Variants in MUC12 observed in about 807,000 individuals in gnomAD.
MUC12 encodes the protein mucin-12.
MUC12 carries 172 observed loss-of-function variants against 230.8 expected under a neutral mutation model. That is an observed-to-expected ratio of 0.75 (90% CI 0.66 to 0.85). The LOEUF is 0.85. Ranked by LOEUF, MUC12 falls within the 40% of genes least tolerant of loss-of-function variation. The pLI, the probability that MUC12 is intolerant of heterozygous loss-of-function variation, is 0.00. For synonymous variants in MUC12, 1,259 were observed against 2,401.9 expected, an observed-to-expected ratio of 0.52 and a Z score of 13.91; for missense variants, 3,506 against 5,920.6, an observed-to-expected ratio of 0.59 and a Z score of 13.38.
chr7:100,981,880 TTTTTGAGACGGAGTCTCACTTTA>T (rs1793112899), intron 1 of MUC12, among the ~76,000 whole-genome samples: 1 of 150,658 alleles, frequency 6.6e-6, no homozygotes, highest in Non-Finnish European at 1.5e-5. Flanking sequence ...TTTTTTTTTT[TTTTTGAGACGGAGTCTCACTTTA>T]TTGTCCAGAC....
chr7:100,976,466 T>C (rs896125205), intron 1 of MUC12, among the ~76,000 whole-genome samples: 5 of 151,384 alleles, frequency 3.3e-5, no homozygotes, highest in East Asian at 2.0e-4. Flanking sequence ...TAGCCGGGCA[T>C]GGTGGTGTGT....
At chr7:100,985,616 C>A (rs959788974) in intron 1 of MUC12, among the ~76,000 whole-genome samples, 2 of 152,108 alleles carry the variant, frequency 1.3e-5, no homozygotes, top group African/African-American at 4.8e-5. Flanking sequence ...CAAGGTGGAG[C>A]CAGTTATGTG....
At position 100,995,833 on chromosome 7, in the gene MUC12, C is replaced by T. The variant is rs1378067739; in HGVS notation, c.5270C>T (p.Pro1757Leu). ...GTTGCAACTGCAACAACACCCTCGC[C>T]TGCCCGCTCCACAACCTCAGGCCTC... The part of the protein sequence containing the change: ...SPVATATTPS[P>L]ARSTTSGLVE... The change falls in exon 2 of 12, where the codon CCT becomes CTT. Residue 1757 changes from proline (P) to leucine (L), a missense_variant. Physicochemically the swap from Pro to Leu is moderately conservative, Grantham distance 98. Transcript: ENST00000536621. 3 of 1,461,352 alleles carry T rather than the reference C, an allele frequency of 2.1e-6. No individual in the cohort carries two copies. The highest frequency in any genetic ancestry group is 1.2e-5 in the South Asian group (1 of 81,666). The allele number at this position is 1,461,352 out of a possible 1,614,324, so 90.5% of individuals were successfully genotyped here.
Position 100,995,758 on chromosome 7 carries a change from C to G in MUC12, c.5195C>G (p.Ser1732Cys), listed in dbSNP as rs766802961. ...CCAACAACCCACTTTTCTGCCAGCTCCACAACCTTGGGCCGTAGTGAGGAA... is the reference window on the plus strand; with the variant it reads ...CCAACAACCCACTTTTCTGCCAGCTGCACAACCTTGGGCCGTAGTGAGGAA... ...STPTTHFSAS[S>C]TTLGRSEEST... The change falls in exon 2 of 12, where the codon TCC becomes TGC. Residue 1732 changes from serine to cysteine, a missense_variant. Ser to Cys is a moderately radical substitution (Grantham distance 112). Transcript: ENST00000536621. 7.8e-6 allele frequency: 12 copies of G among 1,533,824 alleles called. No individual in the cohort carries two copies. In the South Asian group the frequency reaches 1.1e-4, roughly 14 times the overall value.
Position 100,995,994 on chromosome 7 carries a change from C to T in MUC12, c.5431C>T (p.Pro1811Ser). The T allele has an allele frequency of 1.6e-6, 1 of 640,504 alleles. No homozygotes were observed. Among genetic ancestry groups the T allele is most frequent in the Non-Finnish European group, 2.3e-6 (1 of 436,206 alleles). 39.7% of individuals were successfully genotyped at this position (640,504 alleles called of 1,614,324 possible). ...HSSTTHTISS[P>S]PSTTSALVEE... Reference sequence around the variant, plus strand: ...CAGCACAACACACACAATATCTTCACCTCCTAGCACCACATCTGCCCTTGT... The same window carrying T: ...CAGCACAACACACACAATATCTTCATCTCCTAGCACCACATCTGCCCTTGT... Residue 1811 changes from proline to serine, a missense_variant, in exon 2 of 12, where the codon CCT (proline) becomes TCT (serine). Physicochemically the swap from Pro to Ser is moderately conservative, Grantham distance 74. Coordinates refer to ENST00000536621, the MANE Select transcript of MUC12 (RefSeq NM_001164462.2).
At chr7:100,977,471 T>G (rs1035603976) in intron 1 of MUC12, among the ~76,000 whole-genome samples, 1 of 151,846 alleles carries the variant, frequency 6.6e-6, no homozygotes, top group African/African-American at 2.4e-5. Context: ...GTTCAAGCAA[T>G]TCTCCTGCCT....
intron 11 of MUC12, 32 bp downstream of exon 11, chr7:101,017,695 G>A: frequency 2.7e-6 from 4 of 1,483,866 alleles, no homozygotes; most frequent in Non-Finnish European, 3.6e-6. Context: ...CCCACCCCCT[G>A]AGGCTGCTCC....
chr7:101,012,075 A>G (rs985200517), intron 5 of MUC12, among the ~76,000 whole-genome samples: 7 of 151,960 alleles, frequency 4.6e-5, no homozygotes, highest in African/African-American at 1.7e-4. Context: ...GATGAATTTC[A>G]CTCATTGGCA....
Position 100,991,665 on chromosome 7 carries a change from A to G in MUC12, c.1102A>G (p.Thr368Ala). The change falls in exon 2 of 12, where the codon ACT becomes GCT. Residue 368 changes from threonine to alanine, a missense_variant. Transcript: ENST00000536621. ...AGCCTACCACAGGAGCCCGGGCTCA[A>G]CTCAAACAATGCACTTCCCTGAAAG... ...STAYHRSPGS[T>A]QTMHFPESST... 6.5e-7 allele frequency: 1 copy of G among 1,537,564 alleles called. No homozygotes were observed. Among genetic ancestry groups the G allele is most frequent in the Non-Finnish European group, 8.7e-7 (1 of 1,146,728 alleles).
intron 5 of MUC12, 124 bp downstream of exon 5, chr7:101,009,283 G>A (rs922061379): frequency 3.5e-5 from 33 of 942,390 alleles, no homozygotes; most frequent in Admixed American, 2.7e-4. Context: ...TCCTGCAGCC[G>A]CTAGGGAACA....
intron 8 of MUC12, among the ~76,000 whole-genome samples, chr7:101,013,427 GTATCTC>G (rs572264377): frequency 1.3e-3 from 196 of 152,170 alleles, no homozygotes; most frequent in African/African-American, 4.2e-3. Context: ...ATCTTTGTCT[GTATCTC>G]TATCTCTATC....
chr7:100,993,593 C>G lies in MUC12; in HGVS notation c.3030C>G (p.Thr1010=). Residue 1010 remains threonine, a synonymous_variant, in exon 2 of 12, where the codon ACC becomes ACG. Coordinates refer to ENST00000536621, the MANE Select transcript of MUC12 (RefSeq NM_001164462.2). ...ACACAACGCCTTCACCTCCTAGCAC[C>G]GCAACAGCCCCTGTTGAAGAATCTA... is the stretch of plus-strand genomic sequence containing the variant. The part of the protein sequence containing the change: ...STHTTPSPPS[T]ATAPVEESTT... The G allele has an allele frequency of 1.1e-6, 1 of 925,342 alleles. No homozygotes were observed. Among genetic ancestry groups the G allele is most frequent in the Non-Finnish European group, 1.5e-6 (1 of 674,298 alleles). 57.3% of individuals were successfully genotyped at this position (925,342 alleles called of 1,614,324 possible).
At chr7:101,010,142 G>C (rs942620622) in intron 5 of MUC12, among the ~76,000 whole-genome samples, 1 of 151,968 alleles carries the variant, frequency 6.6e-6, no homozygotes, top group Non-Finnish European at 1.5e-5. Flanking sequence ...AGGGAGGGAA[G>C]AATGAGGAAC....
rs1199318596 is a variant in MUC12, at chr7:100,991,777, C to G, written c.1214C>G (p.Ala405Gly). 7 of 1,537,864 alleles carry G rather than the reference C, an allele frequency of 4.6e-6. No homozygotes were observed. Among genetic ancestry groups the G allele is most frequent in the Non-Finnish European group, 6.1e-6 (7 of 1,147,078 alleles). Residue 405 changes from alanine (A) to glycine (G), a missense_variant, in exon 2 of 12, where the codon GCT (alanine) becomes GGT (glycine). By Grantham distance (60) the Ala-to-Gly change is moderately conservative. Coordinates refer to ENST00000536621, the MANE Select transcript of MUC12 (RefSeq NM_001164462.2). ...HTKSSTPSTT[A>G]ALAHTSYHSS... ...AAATCTTCAACTCCTAGCACCACAG[C>G]TGCCCTAGCACATACAAGCTACCAC...
rs1793267499 is a variant in MUC12, at chr7:100,990,714, G to A, written c.151G>A (p.Asp51Asn). The A allele has an allele frequency of 3.3e-6, 5 of 1,537,758 alleles. No homozygotes were observed. Among genetic ancestry groups the A allele is most frequent in the Non-Finnish European group, 4.4e-6 (5 of 1,147,068 alleles). ...SSSDPFTTFS[D>N]YGVSVTFITG... ...AAGCGACCCTTTTACCACCTTTAGTGACTATGGGGTGTCAGTCACATTTAT... is the reference window on the plus strand; with the variant it reads ...AAGCGACCCTTTTACCACCTTTAGTAACTATGGGGTGTCAGTCACATTTAT... Residue 51 changes from aspartate to asparagine, a missense_variant, in exon 2 of 12, where the codon GAC (aspartate) becomes AAC (asparagine). Asp to Asn is a conservative substitution (Grantham distance 23). Transcript: ENST00000536621.
chr7:101,005,551 C>T (rs1364170792), intron 2 of MUC12, 32 bp downstream of exon 2: 1 of 1,516,964 alleles, frequency 6.6e-7, no homozygotes, highest in East Asian at 2.5e-5. Flanking sequence ...CCACGTTTAG[C>T]TTCTTCTCCA....
At chr7:100,976,590 C>T (rs988033941) in intron 1 of MUC12, among the ~76,000 whole-genome samples, 8 of 131,070 alleles carry the variant, frequency 6.1e-5, no homozygotes, top group Non-Finnish European at 1.1e-4. Flanking sequence ...GGCGACAGAG[C>T]GAGACTCTTT....
rs1233545369 is a variant in MUC12, at chr7:100,990,900, C to A, written c.337C>A (p.Pro113Thr). The A allele has an allele frequency of 2.7e-5, 42 of 1,537,754 alleles. No homozygotes were observed. In the South Asian group the frequency reaches 4.6e-4, roughly 17 times the overall value. ...SVFVGEPKTS[P>T]ITSASMETTA... is the part of the protein sequence containing the mutation. ...TTTTGTTGGAGAACCTAAAACCTCA[C>A]CCATCACTTCAGCCTCAATGGAAAC... The change falls in exon 2 of 12, where the codon CCC becomes ACC. Residue 113 changes from proline to threonine, a missense_variant. Physicochemically the swap from Pro to Thr is conservative, Grantham distance 38. Transcript: ENST00000536621.
intron 1 of MUC12, chr7:100,972,260 AAAT>A: frequency 1.4e-6 from 1 of 701,128 alleles, no homozygotes; most frequent in Non-Finnish European, 2.6e-6. Context: ...TCCACACAGC[AAAT>A]AATGAACACG....
Sources: gnomAD v4.1 joint callset for allele counts (sites outside exome capture counted in the v4.1 genomes callset) on GRCh38, gnomAD v4.1.1 for gene constraint, MANE v1.5 for transcripts, NCBI Gene and HGNC (gene_info 2026-07-23, HGNC 2026-07-21) for gene names.